The following SMIM41 variants were observed in gnomAD, a reference collection of about 807,000 sequenced individuals.
The protein encoded by SMIM41 is small integral membrane protein 41.
rs139556774 is a variant in SMIM41 at position 52,099,276 on chromosome 12, C to T, written c.*196-8103C>T. ...AAACCAAATCACGGGGATTGTACAC[C>T]TGCTGCGATATTGGGAGTAATATCT... is the stretch of plus-strand genomic sequence containing the variant. On this transcript the variant is annotated intron_variant, in intron 2 of 2. Coordinates refer to ENST00000546390, the MANE Select transcript of SMIM41 (RefSeq NM_001369216.1). 2.4e-3 allele frequency among the ~76,000 whole-genome samples: 367 copies of T among 152,030 alleles called. 2 individuals carry two copies. Among genetic ancestry groups the T allele is most frequent in the African/African-American group, 8.4e-3 (346 of 41,428 alleles).
intron 1 of SMIM41, among the ~76,000 whole-genome samples, chr12:52,082,481 T>A (rs972003153): frequency 1.3e-5 from 2 of 152,040 alleles, no homozygotes; most frequent in Non-Finnish European, 2.9e-5. Flanking sequence ...GGGACTGAGA[T>A]GTTTGCTGTG....
At chr12:52,103,771 T>TAAAC (rs901535181) in intron 2 of SMIM41, among the ~76,000 whole-genome samples, 2 of 141,906 alleles carry the variant, frequency 1.4e-5, no homozygotes, top group African/African-American at 5.9e-5. Flanking sequence ...AATAAATAAA[T>TAAAC]AAATAAACAC....
chr12:52,081,068 G>A lies in SMIM41; in HGVS notation c.*120+887G>A, dbSNP rs1029051915. Among the ~76,000 whole-genome samples the A allele has an allele frequency of 2.0e-5, 3 of 152,152 alleles. No individual in the cohort carries two copies. The highest frequency in any genetic ancestry group is 7.2e-5 in the African/African-American group (3 of 41,428). On this transcript the variant is annotated intron_variant, in intron 1 of 2. Coordinates refer to ENST00000546390, the MANE Select transcript of SMIM41 (RefSeq NM_001369216.1). The surrounding 1 kb of genome is among the most constrained non-coding windows in gnomAD (Gnocchi z 4.1). ...GTCTCCCTCTGTCTCTCCAAGGACAGGAGCCATCTGGAGGGAAGGGCCTGG... is the reference window on the plus strand; with the variant it reads ...GTCTCCCTCTGTCTCTCCAAGGACAAGAGCCATCTGGAGGGAAGGGCCTGG...
At chr12:52,096,874 CA>C (rs1344347475) in intron 2 of SMIM41, among the ~76,000 whole-genome samples, 1 of 151,864 alleles carries the variant, frequency 6.6e-6, no homozygotes, top group Non-Finnish European at 1.5e-5. Context: ...TCCTAATAGC[CA>C]GGGGTAGACG....
intron 2 of SMIM41, among the ~76,000 whole-genome samples, chr12:52,093,150 A>T (rs1041010300): frequency 7.9e-5 from 12 of 152,174 alleles, no homozygotes; most frequent in Admixed American, 5.9e-4. Flanking sequence ...GTGAGCTGAG[A>T]TCTCACCACT....
chr12:52,098,681 G>C (rs756476180), intron 2 of SMIM41, among the ~76,000 whole-genome samples: 3 of 150,512 alleles, frequency 2.0e-5, no homozygotes, highest in Non-Finnish European at 3.0e-5. Context: ...ACACCCCTGC[G>C]ATATTGGGAG....
chr12:52,106,748 T>C (rs1421238484), intron 2 of SMIM41, among the ~76,000 whole-genome samples: 1 of 152,222 alleles, frequency 6.6e-6, no homozygotes, highest in Non-Finnish European at 1.5e-5. Flanking sequence ...ATTACTCTCT[T>C]GAAGGAGAAA....
chr12:52,102,936 C>T (rs1940248445), intron 2 of SMIM41, among the ~76,000 whole-genome samples: 1 of 152,140 alleles, frequency 6.6e-6, no homozygotes, highest in African/African-American at 2.4e-5. Context: ...TTCACAACAG[C>T]CAAAATGGGG....
At chr12:52,083,713 A>G (rs1939850802) in intron 1 of SMIM41, among the ~76,000 whole-genome samples, 181 bp from the exon 2 acceptor site, 1 of 152,246 alleles carries the variant, frequency 6.6e-6, no homozygotes, top group East Asian at 1.9e-4. Flanking sequence ...GAGCATGTGC[A>G]TGGAATTCTA....
intron 2 of SMIM41, chr12:52,093,643 A>G (rs542466166): frequency 6.6e-6 from 1 of 152,336 alleles, no homozygotes; most frequent in South Asian, 2.1e-4. Flanking sequence ...ATGTTTTACT[A>G]AATTAATCAA....
At chr12:52,098,286 G>GT (rs1311859424) in intron 2 of SMIM41, among the ~76,000 whole-genome samples, 1 of 151,976 alleles carries the variant, frequency 6.6e-6, no homozygotes, top group Non-Finnish European at 1.5e-5. Context: ...CATGTCACAA[G>GT]GGGCGTGTAC....
chr12:52,098,734 CGGG>C (rs34609593), intron 2 of SMIM41, among the ~76,000 whole-genome samples: 5 of 133,186 alleles, frequency 3.8e-5, no homozygotes, highest in African/African-American at 1.6e-4. Context: ...AACAATATCA[CGGG>C]GGGGGGGGTG....
At chr12:52,099,433 A>G (rs923587322) in intron 2 of SMIM41, among the ~76,000 whole-genome samples, 5 of 150,200 alleles carry the variant, frequency 3.3e-5, no homozygotes, top group Admixed American at 3.3e-4. Flanking sequence ...ACCTCCTGGG[A>G]TATTGGTGTA....
chr12:52,107,143 A>G (rs1940357143), intron 2 of SMIM41: 3 of 344,422 alleles, frequency 8.7e-6, no homozygotes, highest in South Asian at 2.3e-5. Context: ...CACAGAATCA[A>G]TGATGAAAGC....
chr12:52,100,425 C>T (rs1940194904), intron 2 of SMIM41, among the ~76,000 whole-genome samples: 1 of 151,986 alleles, frequency 6.6e-6, no homozygotes, highest in South Asian at 2.1e-4. Context: ...TCGGGGTGAA[C>T]AACCCCTGCG....
intron 2 of SMIM41, 60 bp from the exon 3 acceptor site, chr12:52,107,319 G>T (rs1338305168): frequency 6.5e-6 from 3 of 463,542 alleles, no homozygotes; most frequent in Non-Finnish European, 1.3e-5. Context: ...CTAGGCAAAA[G>T]TTGTCCAAAC....
intron 2 of SMIM41, chr12:52,104,171 G>A (rs1940279465): frequency 6.6e-6 from 1 of 152,196 alleles, no homozygotes; most frequent in South Asian, 2.1e-4. Flanking sequence ...GCTTTCTCCT[G>A]ATTAGAGGAA....
chr12:52,080,367 G>A (rs1321793605), intron 1 of SMIM41, among the ~76,000 whole-genome samples, 186 bp downstream of exon 1: 1 of 152,176 alleles, frequency 6.6e-6, no homozygotes, highest in South Asian at 2.1e-4. Flanking sequence ...CCAGGTGTGC[G>A]GGATCAGGAG....
chr12:52,096,551 GATA>G (rs920657519), intron 2 of SMIM41, among the ~76,000 whole-genome samples: 27 of 151,644 alleles, frequency 1.8e-4, no homozygotes, highest in African/African-American at 6.3e-4. Context: ...AGAAATAATT[GATA>G]ATAAAAAGTT....
Sources: allele counts gnomAD v4.1 joint callset (sites outside exome capture counted in the v4.1 genomes callset), GRCh38; gene constraint gnomAD v4.1.1; non-coding constraint Gnocchi (gnomAD v3.1); transcripts MANE v1.5; gene names NCBI Gene and HGNC (gene_info 2026-07-23, HGNC 2026-07-21).